LBHD1: variants seen among roughly 807,000 people sequenced by gnomAD.
The protein encoded by LBHD1 is LBH domain-containing protein 1.
LBHD1 carries 28 observed loss-of-function variants against 31.1 expected under a neutral mutation model. That is an observed-to-expected ratio of 0.90 (90% CI 0.67 to 1.24). The LOEUF (loss-of-function observed/expected upper bound fraction) is 1.24. LBHD1 is among the 50% of genes most tolerant of loss of function. LBHD1 has a pLI of 0.00. For missense variants in LBHD1, 350 were observed against 323.0 expected (o/e 1.08, Z -0.64); for synonymous variants, 105 against 116.5 (o/e 0.90, Z 0.63).
Position 62,666,283 on chromosome 11 carries a change from C to T in LBHD1, c.538+1240G>A, listed in dbSNP as rs770953445. 2.7e-5 allele frequency: 30 copies of T among 1,119,412 alleles called. No individual in the cohort carries two copies. In the African/African-American group the frequency reaches 4.3e-4, roughly 16 times the overall value. 69.3% of individuals were successfully genotyped at this position (1,119,412 alleles called of 1,614,324 possible). On this transcript the variant is annotated intron_variant, in intron 4 of 6. Transcript: ENST00000354588. ...CATCATTGTGCTACTGTACTCAACCCTGGGTCACAGAGTGAGACCCTGTCT... is the reference window on the plus strand; with the variant it reads ...CATCATTGTGCTACTGTACTCAACCTTGGGTCACAGAGTGAGACCCTGTCT...
rs2134659800 is a variant in LBHD1 at position 62,671,892 on chromosome 11, A to T, written c.-339T>A. 5.0e-6 allele frequency: 8 copies of T among 1,604,940 alleles called. No homozygotes were observed. Among genetic ancestry groups the T allele is most frequent in the Non-Finnish European group, 6.8e-6 (8 of 1,172,364 alleles). ...TAGAAGCAACTGGTAGTCCCGAGGA[A>T]GGGTGGGCGGGTGGAGAGCCCCGGA... On this transcript the variant is annotated 5_prime_UTR_variant, in exon 1 of 7. Coordinates refer to ENST00000354588, the MANE Select transcript of LBHD1 (RefSeq NM_024099.5).
rs1196542078 is a variant in LBHD1, at chr11:62,671,578, C to A, written c.-25G>T. 2.6e-5 allele frequency: 38 copies of A among 1,455,954 alleles called. No homozygotes were observed. Among genetic ancestry groups the A allele is most frequent in the Non-Finnish European group, 3.3e-5 (37 of 1,110,464 alleles). The allele number at this position is 1,455,954 out of a possible 1,614,324, so 90.2% of individuals were successfully genotyped here. A position where few individuals can be genotyped will look rare whatever the true frequency, so the allele number is the denominator to read the frequency against. On this transcript the variant is annotated 5_prime_UTR_variant, in exon 1 of 7. Coordinates refer to ENST00000354588, the MANE Select transcript of LBHD1 (RefSeq NM_024099.5). The stretch of plus-strand genomic sequence containing the variant: ...CTCAGCTAAACCTGAGATCCAAGCG[C>A]TCCGGATTCCAAACGTTTCCTCGAG...
chr11:62,666,218 C>A, intron 4 of LBHD1: 1 of 754,560 alleles, frequency 1.3e-6, no homozygotes, highest in Non-Finnish European at 2.2e-6. Context: ...CGCCTATAGT[C>A]CTAGCTACTC....
At chr11:62,665,114 G>C in intron 4 of LBHD1, 141 bp from the exon 5 acceptor site, 1 of 1,279,270 alleles carries the variant, frequency 7.8e-7, no homozygotes, top group East Asian at 2.5e-5. Context: ...ACAAAGTCGC[G>C]GCCCCCACAC....
chr11:62,668,459 C>T (rs957767863), intron 3 of LBHD1: 14 of 105,320 alleles, frequency 1.3e-4, no homozygotes, highest in African/African-American at 5.3e-4. Context: ...TCCGCCTGGG[C>T]AACAGAGGGT....
rs1427792209 is a variant in LBHD1, at chr11:62,664,917, C to A, written c.595G>T (p.Glu199Ter). The change falls in exon 5 of 7, where the codon GAG becomes TAG. Residue 199 changes from glutamate to a stop codon, truncating the protein, a stop_gained. Transcript: ENST00000354588. LOFTEE classifies it high-confidence loss of function. ...TCACAGCCCCGACCACCCGGTGCCT[C>A]AGACGCCGCTCCCGATTCAACACCC... Reference protein sequence around the residue: ...PAGVESGAASEAPGGRGCDRP... With the variant: ...PAGVESGAAS The A allele has an allele frequency of 1.2e-6, 2 of 1,603,124 alleles. No individual in the cohort carries two copies. The highest frequency in any genetic ancestry group is 3.4e-5 in the Admixed American group (2 of 58,118).
chr11:62,667,319 T>C (rs1944847280), intron 4 of LBHD1: 1 of 648,852 alleles, frequency 1.5e-6, no homozygotes, highest in Non-Finnish European at 2.7e-6. Context: ...AATTGGGTCA[T>C]TCCCCAGTTT....
rs1944910757 is a variant in LBHD1, at chr11:62,670,021, A to T, written c.11T>A (p.Val4Glu). 6.2e-7 allele frequency: 1 copy of T among 1,611,594 alleles called. No individual in the cohort carries two copies. Among genetic ancestry groups the T allele is most frequent in the Non-Finnish European group, 8.5e-7 (1 of 1,178,698 alleles). ...CCCATCCTCCTTGCTTCTCCCTGGCACAAGGGCCATGGTGGTGATTCTTAG... is the reference window on the plus strand; with the variant it reads ...CCCATCCTCCTTGCTTCTCCCTGGCTCAAGGGCCATGGTGGTGATTCTTAG... MALVPGRSKEDGLW... is the reference protein window; with the variant it reads MALEPGRSKEDGLW... Residue 4 changes from valine (V) to glutamate (E), a missense_variant, in exon 2 of 7, where the codon GTG becomes GAG. Transcript: ENST00000354588.
At chr11:62,665,252 C>T in intron 4 of LBHD1, 1 of 754,194 alleles carries the variant, frequency 1.3e-6, no homozygotes, top group South Asian at 1.5e-5. Context: ...TTCCGCGGGC[C>T]AATCGCAACT....
intron 4 of LBHD1, chr11:62,665,750 C>G: frequency 6.7e-7 from 1 of 1,492,460 alleles, no homozygotes; most frequent in Non-Finnish European, 8.9e-7. Context: ...CTGCAGAGTT[C>G]GGGGAAGCTG....
Position 62,672,002 on chromosome 11 carries a change from A to C in LBHD1, c.-449T>G, listed in dbSNP as rs1486287461. On this transcript the variant is annotated 5_prime_UTR_variant, in exon 1 of 7. Transcript: ENST00000354588. ...AGCAGGGAGGAGGCGGCCAGGACCC[A>C]GCAGCTATTGCTGGCCACTCTGCAG... The C allele has an allele frequency of 5.6e-6, 9 of 1,613,816 alleles. No individual in the cohort carries two copies. The highest frequency in any genetic ancestry group is 7.6e-6 in the Non-Finnish European group (9 of 1,180,004).
rs879363467 is a variant in LBHD1, at chr11:62,662,823, T to C, written c.*306A>G. On this transcript the variant is annotated 3_prime_UTR_variant, in exon 7 of 7. Coordinates refer to ENST00000354588, the MANE Select transcript of LBHD1 (RefSeq NM_024099.5). ...ACATTTAATCACACACATCTCAGAGTGCTAGGGCTTTATTACAAATGGAGT... is the reference window on the plus strand; with the variant it reads ...ACATTTAATCACACACATCTCAGAGCGCTAGGGCTTTATTACAAATGGAGT... The C allele has an allele frequency of 3.6e-6, 2 of 548,502 alleles. No individual in the cohort carries two copies. The highest frequency in any genetic ancestry group is 2.0e-5 in the African/African-American group (1 of 51,002). The allele number at this position is 548,502 out of a possible 1,614,324, so 34.0% of individuals were successfully genotyped here. A position where few individuals can be genotyped will look rare whatever the true frequency, so the allele number is the denominator to read the frequency against.
intron 4 of LBHD1, chr11:62,666,698 C>G: frequency 6.2e-7 from 1 of 1,614,042 alleles, no homozygotes; most frequent in Non-Finnish European, 8.5e-7. Context: ...GGAGGGTGGC[C>G]CAGGCCAAAC....
Position 62,667,568 on chromosome 11 carries a change from C to T in LBHD1, c.493G>A (p.Gly165Ser). Residue 165 changes from glycine to serine, a missense_variant, in exon 4 of 7, where the codon GGC becomes AGC. Physicochemically the swap from Gly to Ser is moderately conservative, Grantham distance 56. Transcript: ENST00000354588. ...DSTGSRVCRS[G>S]FVEYSHLLPP... The stretch of plus-strand genomic sequence containing the variant: ...AGGAGATGGGAATATTCCACAAAGC[C>T]ACTTCTACAAACACGGGAGCCTGTT... 10 of 1,614,072 alleles carry T rather than the reference C, an allele frequency of 6.2e-6. No individual in the cohort carries two copies. Among genetic ancestry groups the T allele is most frequent in the Non-Finnish European group, 8.5e-6 (10 of 1,180,018 alleles).
intron 4 of LBHD1, chr11:62,667,061 A>G (rs1565128370): frequency 6.3e-7 from 1 of 1,582,352 alleles, no homozygotes; most frequent in Non-Finnish European, 8.6e-7. Flanking sequence ...AAGACATTTT[A>G]GTAGTCCTGA....
At chr11:62,669,264 A>AAAAT (rs376230189) in intron 3 of LBHD1, 44 of 447,914 alleles carry the variant, frequency 9.8e-5, no homozygotes, top group African/African-American at 9.2e-4. Flanking sequence ...AGGAAAAGAT[A>AAAAT]AAATTACCCC....
chr11:62,666,942 G>A lies in LBHD1; in HGVS notation c.538+581C>T, dbSNP rs747874149. 13 of 1,614,026 alleles carry A rather than the reference G, an allele frequency of 8.1e-6. No individual in the cohort carries two copies. In the Admixed American group the frequency reaches 8.3e-5, roughly 10 times the overall value. On this transcript the variant is annotated intron_variant, in intron 4 of 6. Transcript: ENST00000354588. ...TTCTCAGATGAGGACCCTGATGTGC[G>A]ACTGCCCTGCCTGGAACAAGGGTCC...
chr11:62,665,325 G>C (rs1944767738), intron 4 of LBHD1: 1 of 737,668 alleles, frequency 1.4e-6, no homozygotes. Context: ...TCGGAGGGTG[G>C]TGAGCTAGTA....
At chr11:62,667,058 T>G in intron 4 of LBHD1, 1 of 1,585,670 alleles carries the variant, frequency 6.3e-7, no homozygotes, top group South Asian at 1.2e-5. Context: ...TTAAAGACAT[T>G]TTAGTAGTCC....
Sources: allele counts gnomAD v4.1 joint callset, GRCh38; gene constraint gnomAD v4.1.1; transcripts MANE v1.5; gene names NCBI Gene and HGNC (gene_info 2026-07-23, HGNC 2026-07-21).